The following NEURL1 variants were observed in gnomAD, a reference collection of about 807,000 sequenced individuals.
The protein encoded by NEURL1 is E3 ubiquitin-protein ligase NEURL1.
NEURL1 carries 26 observed loss-of-function variants against 41.2 expected under a neutral mutation model. The ratio of observed to expected loss-of-function variants is 0.63; its 90% CI spans 0.46 to 0.87. The LOEUF is 0.87. Among genes scored for constraint, NEURL1 ranks in the 40% least tolerant of loss-of-function variants. The probability of loss-of-function intolerance (pLI) is 0.00; values close to 1 mark genes in which losing one functional copy is unlikely to be tolerated. For synonymous variants in NEURL1, 400 were observed against 402.3 expected, an observed-to-expected ratio of 0.99 and a Z score of 0.07; for missense variants, 761 against 871.1, an observed-to-expected ratio of 0.87 and a Z score of 1.59.
intron 1 of NEURL1, among the ~76,000 whole-genome samples, chr10:103,513,770 G>T (rs1213827794): frequency 7.1e-6 from 1 of 140,788 alleles, no homozygotes; most frequent in African/African-American, 2.5e-5. Context: ...TGAGGGTGGG[G>T]GGTGGGAGGA....
intron 1 of NEURL1, among the ~76,000 whole-genome samples, chr10:103,549,487 G>A (rs2034990878): frequency 6.6e-6 from 1 of 152,192 alleles, no homozygotes; most frequent in African/African-American, 2.4e-5. Flanking sequence ...CTCTTGTCCT[G>A]GCTCTGGGCA....
chr10:103,555,487 G>A (rs1034516611), intron 1 of NEURL1: 4 of 1,253,972 alleles, frequency 3.2e-6, no homozygotes, highest in Non-Finnish European at 4.2e-6. Context: ...GCGGAGGGGC[G>A]CTGGGGCTGA....
At chr10:103,537,723 C>T (rs181655473) in intron 1 of NEURL1, among the ~76,000 whole-genome samples, 9 of 152,268 alleles carry the variant, frequency 5.9e-5, no homozygotes, top group Admixed American at 1.3e-4. Context: ...TTTTAAAATA[C>T]AGCTTTATTA....
At chr10:103,538,525 A>G (rs1318937605) in intron 1 of NEURL1, among the ~76,000 whole-genome samples, 1 of 149,668 alleles carries the variant, frequency 6.7e-6, no homozygotes, top group Non-Finnish European at 1.5e-5. Flanking sequence ...GAGTAGAGAT[A>G]GTGCCACTGC....
intron 3 of NEURL1, among the ~76,000 whole-genome samples, chr10:103,573,625 T>A (rs1279818443): frequency 6.6e-6 from 1 of 152,114 alleles, no homozygotes; most frequent in Non-Finnish European, 1.5e-5. Context: ...CCTGACCACT[T>A]CTGCCTGAGC....
chr10:103,585,519 A>G (rs1243536030), intron 4 of NEURL1, among the ~76,000 whole-genome samples: 1 of 152,202 alleles, frequency 6.6e-6, no homozygotes, highest in Non-Finnish European at 1.5e-5. Flanking sequence ...CCAGAAGCAC[A>G]CAACCCACTG....
In NEURL1 at chr10:103,571,582, T is replaced by C; in HGVS notation, c.409T>C (p.Ser137Pro). The change falls in exon 3 of 6, where the codon TCG (serine) becomes CCG (proline). Residue 137 changes from serine (S) to proline (P), a missense_variant. Ser to Pro is a moderately conservative substitution (Grantham distance 74). Around this residue, in one of 5 missense-constraint regions of NEURL1, gnomAD observed 65 missense variants for 131.6 expected, o/e 0.49. Coordinates refer to ENST00000369780, the MANE Select transcript of NEURL1 (RefSeq NM_004210.5). ...SKDPSRIHPD[S>P]LPKYACPDLV... Reference sequence around the variant, plus strand: ...GGACCCGTCCCGCATCCACCCTGACTCGCTGCCCAAGTACGCCTGCCCCGA... The same window carrying C: ...GGACCCGTCCCGCATCCACCCTGACCCGCTGCCCAAGTACGCCTGCCCCGA... 6.2e-7 allele frequency: 1 copy of C among 1,613,812 alleles called. No individual in the cohort carries two copies. Among genetic ancestry groups the C allele is most frequent in the Non-Finnish European group, 8.5e-7 (1 of 1,179,980 alleles).
At chr10:103,506,229 C>T (rs2033943249) in intron 1 of NEURL1, among the ~76,000 whole-genome samples, 1 of 152,222 alleles carries the variant, frequency 6.6e-6, no homozygotes, top group South Asian at 2.1e-4. Context: ...CTGGTGTCTG[C>T]TGAGAGGCTG....
chr10:103,548,709 G>A (rs995988582), intron 1 of NEURL1, among the ~76,000 whole-genome samples: 6 of 152,200 alleles, frequency 3.9e-5, no homozygotes, highest in Non-Finnish European at 7.3e-5. Context: ...CCAGTTCTAC[G>A]TGGATTCCCG....
intron 1 of NEURL1, among the ~76,000 whole-genome samples, chr10:103,506,755 T>A (rs2033956330): frequency 6.6e-6 from 1 of 152,168 alleles, no homozygotes; most frequent in Non-Finnish European, 1.5e-5. Context: ...AGACAGGGTT[T>A]CACCATGTTG....
At chr10:103,555,362 C>T in intron 1 of NEURL1, 1 of 1,353,706 alleles carries the variant, frequency 7.4e-7, no homozygotes. Context: ...GAGGTGGCTG[C>T]ACTGCCCGTC....
At chr10:103,541,330 G>T (rs536249616) in intron 1 of NEURL1, among the ~76,000 whole-genome samples, 1 of 152,176 alleles carries the variant, frequency 6.6e-6, no homozygotes, top group Non-Finnish European at 1.5e-5. Context: ...GAAGCTGGGG[G>T]AGTCTGGGGG....
rs1172128868 is a variant in NEURL1 at position 103,538,076 on chromosome 10, A to G, written c.86-32796A>G. ...TTGAGATTCATGCATGCTATGGTGT[A>G]TATCAATAATCCATTTATTTATTTA... is the stretch of plus-strand genomic sequence containing the variant. On this transcript the variant is annotated intron_variant, in intron 1 of 5. Transcript: ENST00000369780. 4.6e-5 allele frequency among the ~76,000 whole-genome samples: 7 copies of G among 152,238 alleles called. No individual in the cohort carries two copies. In the South Asian group the frequency reaches 1.5e-3, roughly 32 times the overall value.
At chr10:103,561,425 C>A (rs2035290007) in intron 1 of NEURL1, among the ~76,000 whole-genome samples, 1 of 152,112 alleles carries the variant, frequency 6.6e-6, no homozygotes, top group South Asian at 2.1e-4. Context: ...CCATACCTGG[C>A]TAATTTTTTT....
intron 1 of NEURL1, among the ~76,000 whole-genome samples, chr10:103,565,855 G>T (rs1479283592): frequency 6.6e-6 from 1 of 152,094 alleles, no homozygotes; most frequent in East Asian, 1.9e-4. Flanking sequence ...GTTTTGCCAT[G>T]TTGCCCAGGC....
intron 1 of NEURL1, chr10:103,555,290 C>CG: frequency 8.4e-7 from 1 of 1,188,284 alleles, no homozygotes; most frequent in South Asian, 1.5e-5. Flanking sequence ...GGGGAGGAGA[C>CG]GGGGGAGGAG....
At chr10:103,578,969 G>A (rs77260060) in intron 3 of NEURL1, among the ~76,000 whole-genome samples, 3,696 of 152,352 alleles carry the variant, frequency 0.024, 60 homozygotes, top group Non-Finnish European at 0.039. Context: ...GCTGCAGGCT[G>A]ACCTGTGGTT....
chr10:103,538,765 G>C (rs2034753521), intron 1 of NEURL1, among the ~76,000 whole-genome samples: 1 of 149,328 alleles, frequency 6.7e-6, no homozygotes, highest in South Asian at 2.1e-4. Context: ...TCCTGCCTCA[G>C]CCTCCTGAGT....
chr10:103,498,815 G>A (rs1277663433), intron 1 of NEURL1, among the ~76,000 whole-genome samples: 1 of 152,236 alleles, frequency 6.6e-6, no homozygotes, highest in Non-Finnish European at 1.5e-5. Flanking sequence ...TGTGTCAAGC[G>A]TCTTTTACTT....
Sources: gnomAD v4.1 joint callset for allele counts (sites outside exome capture counted in the v4.1 genomes callset) on GRCh38, gnomAD v4.1.1 for gene constraint, gnomAD v4.1.1 regional missense constraint, MANE v1.5 for transcripts, NCBI Gene and HGNC (gene_info 2026-07-23, HGNC 2026-07-21) for gene names.